The following WWOX variants were observed in gnomAD, a reference collection of about 807,000 sequenced individuals.
The protein encoded by WWOX is WW domain containing oxidoreductase.
WWOX carries 69 observed loss-of-function variants against 46.2 expected under a neutral mutation model. The ratio of observed to expected loss-of-function variants is 1.49; its 90% confidence interval spans 1.23 to 1.82. The LOEUF (loss-of-function observed/expected upper bound fraction) is 1.82. Ranked by LOEUF, WWOX falls within the 40% of genes most tolerant of loss-of-function variation. The probability of loss-of-function intolerance (pLI) is 0.00; values close to 1 mark genes in which losing one functional copy is unlikely to be tolerated. For missense variants in WWOX, 919 were observed against 542.6 expected, an observed-to-expected ratio of 1.69 and a Z score of -6.89; for synonymous variants, 359 against 202.6, an observed-to-expected ratio of 1.77 and a Z score of -6.56.
rs116488485 is a variant in WWOX at position 78,212,243 on chromosome 16, G to T, written c.516+47954G>T. On this transcript the variant is annotated intron_variant, in intron 5 of 8. Transcript: ENST00000566780. ...AAGGAAAGCTCACTCCATGGAAAAG[G>T]GGGGATTGATTTCTTCTCTGAGGGC... 1.2e-4 allele frequency among the ~76,000 whole-genome samples: 19 copies of T among 152,288 alleles called. 1 individual carries two copies. The South Asian group carries it at 3.1e-3, about 25-fold the overall frequency.
chr16:78,151,600 T>C (rs1238719651), intron 4 of WWOX, among the ~76,000 whole-genome samples: 1 of 152,212 alleles, frequency 6.6e-6, no homozygotes, highest in African/African-American at 2.4e-5. Flanking sequence ...TTGTTTGGAA[T>C]AGGAATAGGC....
Position 78,122,408 on chromosome 16 carries a change from G to A in WWOX, c.409+7254G>A, listed in dbSNP as rs914227377. On this transcript the variant is annotated intron_variant, in intron 4 of 8. Transcript: ENST00000566780. Reference sequence around the variant, plus strand: ...AGAGTCATACAAACTATTGTTTAATGACAAAGTGGGTCAAACCCATAATTA... The same window carrying A: ...AGAGTCATACAAACTATTGTTTAATAACAAAGTGGGTCAAACCCATAATTA... Among the ~76,000 whole-genome samples, 115 of 152,168 alleles carry A rather than the reference G, an allele frequency of 7.6e-4. 1 individual carries two copies. The highest frequency in any genetic ancestry group is 2.6e-3 in the African/African-American group (108 of 41,494).
At chr16:79,057,220 G>T (rs1390787491) in intron 8 of WWOX, among the ~76,000 whole-genome samples, 9 of 152,128 alleles carry the variant, frequency 5.9e-5, no homozygotes, top group Non-Finnish European at 1.3e-4. Context: ...GAATTGCCTG[G>T]ACCTCTTTTA....
At chr16:78,142,945 C>A (rs2034037144) in intron 4 of WWOX, among the ~76,000 whole-genome samples, 1 of 152,142 alleles carries the variant, frequency 6.6e-6, no homozygotes, top group Admixed American at 6.5e-5. Context: ...GAAACAGAAT[C>A]AACATATTAG....
intron 8 of WWOX, among the ~76,000 whole-genome samples, chr16:78,647,597 C>T (rs1315154410): frequency 6.6e-6 from 1 of 152,190 alleles, no homozygotes; most frequent in Non-Finnish European, 1.5e-5. Flanking sequence ...CAGATTCCTC[C>T]CCATTCTATA....
rs550609397 is a variant in WWOX at position 78,292,335 on chromosome 16, G to T, written c.517-94525G>T. Among the ~76,000 whole-genome samples the T allele has an allele frequency of 3.3e-5, 5 of 152,234 alleles. No individual in the cohort carries two copies. In the South Asian group the frequency reaches 1.0e-3, roughly 32 times the overall value. Reference sequence around the variant, plus strand: ...ACGTCAAAGTGATGAGTACAGAGCTGTCTGTCATTTTCTTATCTTTGGCCT... The same window carrying T: ...ACGTCAAAGTGATGAGTACAGAGCTTTCTGTCATTTTCTTATCTTTGGCCT... On this transcript the variant is annotated intron_variant, in intron 5 of 8. Coordinates refer to ENST00000566780, the MANE Select transcript of WWOX (RefSeq NM_016373.4).
chr16:78,106,057 C>T (rs2032123114), intron 1 of WWOX, among the ~76,000 whole-genome samples: 1 of 152,210 alleles, frequency 6.6e-6, no homozygotes, highest in Admixed American at 6.5e-5. Flanking sequence ...CCGCCTCGGC[C>T]TCCCAAAGTG....
intron 4 of WWOX, among the ~76,000 whole-genome samples, chr16:78,126,175 C>T (rs2033353038): frequency 6.6e-6 from 1 of 152,096 alleles, no homozygotes; most frequent in African/African-American, 2.4e-5. Flanking sequence ...GGGTGGTTTC[C>T]AGCTTTTTAA....
At chr16:78,684,637 G>A (rs909893699) in intron 8 of WWOX, among the ~76,000 whole-genome samples, 5 of 152,182 alleles carry the variant, frequency 3.3e-5, no homozygotes, top group African/African-American at 1.2e-4. Flanking sequence ...CCTGCTAATG[G>A]CTGAGAAAGG....
chr16:78,360,329 T>C (rs1481004858), intron 5 of WWOX, among the ~76,000 whole-genome samples: 1 of 152,154 alleles, frequency 6.6e-6, no homozygotes, highest in Non-Finnish European at 1.5e-5. Context: ...CTCATGCCTG[T>C]AATCCCAGCA....
At chr16:79,130,362 A>G (rs1409026358) in intron 8 of WWOX, among the ~76,000 whole-genome samples, 4 of 152,238 alleles carry the variant, frequency 2.6e-5, no homozygotes, top group Non-Finnish European at 4.4e-5. Context: ...GATGATTAAT[A>G]CAACTAATAA....
intron 5 of WWOX, among the ~76,000 whole-genome samples, chr16:78,165,742 A>T (rs924374024): frequency 6.6e-6 from 1 of 152,220 alleles, no homozygotes; most frequent in South Asian, 2.1e-4. Context: ...CTCTGGACTG[A>T]AAAGTAGTGA....
chr16:78,955,042 G>C (rs2046137009), intron 8 of WWOX, among the ~76,000 whole-genome samples: 1 of 152,140 alleles, frequency 6.6e-6, no homozygotes, highest in Non-Finnish European at 1.5e-5. Context: ...CTTCTGCATT[G>C]TCCCCCACAA....
intron 4 of WWOX, among the ~76,000 whole-genome samples, chr16:78,116,845 A>G (rs558225436): frequency 2.6e-5 from 4 of 152,340 alleles, no homozygotes; most frequent in African/African-American, 9.6e-5. Context: ...TTTTTCTGTA[A>G]TGAGTAAGAT....
chr16:78,611,739 C>G (rs769850850), intron 8 of WWOX, among the ~76,000 whole-genome samples: 2 of 152,218 alleles, frequency 1.3e-5, no homozygotes, highest in Non-Finnish European at 2.9e-5. Context: ...GTGCATGTCG[C>G]TGATGGTTGG....
chr16:78,826,840 A>G (rs1032446462), intron 8 of WWOX, among the ~76,000 whole-genome samples: 1 of 152,072 alleles, frequency 6.6e-6, no homozygotes, highest in African/African-American at 2.4e-5. Context: ...CTGTGTGACA[A>G]TTCTGGATTT....
chr16:78,970,682 C>A (rs2046452221), intron 8 of WWOX, among the ~76,000 whole-genome samples: 1 of 152,018 alleles, frequency 6.6e-6, no homozygotes, highest in Admixed American at 6.6e-5. Context: ...TCATTTGAGG[C>A]CATAATTTAA....
intron 8 of WWOX, among the ~76,000 whole-genome samples, chr16:78,580,592 C>A (rs959001166): frequency 2.2e-4 from 33 of 152,242 alleles, no homozygotes; most frequent in Non-Finnish European, 1.5e-4. Context: ...CGTAAGCACA[C>A]TTCTCTACAT....
intron 8 of WWOX, among the ~76,000 whole-genome samples, chr16:78,586,510 C>T (rs764485505): frequency 6.6e-6 from 1 of 152,166 alleles, no homozygotes; most frequent in Non-Finnish European, 1.5e-5. Context: ...TGCTGTTTTA[C>T]TCATTGTCTA....
Sources: gnomAD v4.1 joint callset for allele counts (sites outside exome capture counted in the v4.1 genomes callset) on GRCh38, gnomAD v4.1.1 for gene constraint, MANE v1.5 for transcripts, NCBI Gene and HGNC (gene_info 2026-07-23, HGNC 2026-07-21) for gene names.